Variants in CLVS1 observed in about 807,000 individuals in gnomAD.
CLVS1 encodes clavesin 1.
Under a neutral mutation model 33.1 loss-of-function variants are expected in CLVS1, and 10 were observed. The observed-to-expected ratio is 0.30, with a 90% confidence interval of 0.19 to 0.51. CLVS1 has a LOEUF of 0.51. CLVS1 is among the 20% of genes least tolerant of loss of function. CLVS1 has a pLI of 0.97. For synonymous variants in CLVS1, 163 were observed against 166.1 expected (o/e 0.98, Z 0.14); for missense variants, 343 against 433.4 (o/e 0.79, Z 1.85).
intron 3 of CLVS1, among the ~76,000 whole-genome samples, chr8:61,385,704 T>C (rs1359382545): frequency 6.6e-6 from 1 of 152,244 alleles, no homozygotes; most frequent in African/African-American, 2.4e-5. Flanking sequence ...CTGTACTGAC[T>C]TTATTTTCAG....
At chr8:61,112,732 T>A (rs979773090) in intron 1 of CLVS1, among the ~76,000 whole-genome samples, 3 of 152,312 alleles carry the variant, frequency 2.0e-5, no homozygotes, top group East Asian at 3.9e-4. Context: ...AAAGGACCTG[T>A]AAGCTTCAGG....
intron 2 of CLVS1, among the ~76,000 whole-genome samples, chr8:61,178,099 A>G (rs902085505): frequency 6.6e-6 from 1 of 152,224 alleles, no homozygotes; most frequent in Non-Finnish European, 1.5e-5. Context: ...AAGAACCTTG[A>G]TAAAAGGTTA....
At chr8:61,306,762 T>C (rs1268398434) in intron 2 of CLVS1, among the ~76,000 whole-genome samples, 3 of 152,336 alleles carry the variant, frequency 2.0e-5, no homozygotes, top group East Asian at 1.9e-4. Flanking sequence ...TTACATCCCC[T>C]CCAACAATGT....
chr8:61,490,514 A>G (rs1381206254), intron 5 of CLVS1, among the ~76,000 whole-genome samples: 1 of 150,860 alleles, frequency 6.6e-6, no homozygotes, highest in Non-Finnish European at 1.5e-5. Context: ...TAAAAATACA[A>G]AAAATTAGCT....
At chr8:61,498,314 T>C (rs1804339784) in intron 5 of CLVS1, among the ~76,000 whole-genome samples, 2 of 152,286 alleles carry the variant, frequency 1.3e-5, no homozygotes, top group South Asian at 4.1e-4. Flanking sequence ...AAGATCTCCT[T>C]ATCAGGTAGA....
the CLVS1 span, among the ~76,000 whole-genome samples, chr8:60,971,574 G>T: frequency 6.6e-6 from 1 of 152,152 alleles, no homozygotes; most frequent in Non-Finnish European, 1.5e-5. Flanking sequence ...TTCCAGAGGT[G>T]CAGAGTAAAC....
At chr8:61,244,607 A>G (rs1351383955) in intron 2 of CLVS1, among the ~76,000 whole-genome samples, 5 of 152,200 alleles carry the variant, frequency 3.3e-5, no homozygotes, top group African/African-American at 9.6e-5. Flanking sequence ...ATACAACACC[A>G]AAAAGGAACC....
chr8:61,009,192 A>G, the CLVS1 span, among the ~76,000 whole-genome samples: 1 of 148,782 alleles, frequency 6.7e-6, no homozygotes, highest in East Asian at 2.0e-4. Flanking sequence ...TTTTTCTGAG[A>G]TAGAGTCTCA....
upstream of CLVS1, among the ~76,000 whole-genome samples, chr8:61,286,629 A>G (rs1053866760): frequency 2.0e-5 from 3 of 152,270 alleles, no homozygotes; most frequent in Non-Finnish European, 4.4e-5. Context: ...CTTACATTCC[A>G]TCAGAGAGAA....
At chr8:61,288,970 T>C (rs1167541238) in intron 1 of CLVS1, among the ~76,000 whole-genome samples, 1 of 152,214 alleles carries the variant, frequency 6.6e-6, no homozygotes, top group Non-Finnish European at 1.5e-5. Flanking sequence ...GAAAGGGGGC[T>C]CTCATTCGAA....
chr8:61,459,308 G>A (rs1420171924), intron 5 of CLVS1, among the ~76,000 whole-genome samples: 3 of 152,164 alleles, frequency 2.0e-5, no homozygotes, highest in Non-Finnish European at 4.4e-5. Flanking sequence ...ATTGATAAAT[G>A]AGTATTTTCT....
chr8:61,376,397 A>C (rs1222270620), intron 2 of CLVS1, among the ~76,000 whole-genome samples: 1 of 152,232 alleles, frequency 6.6e-6, no homozygotes, highest in Non-Finnish European at 1.5e-5. Flanking sequence ...GTGCAGAGCC[A>C]AGGGAGGTGT....
At chr8:61,084,734 A>C (rs1018893549) in intron 1 of CLVS1, among the ~76,000 whole-genome samples, 1 of 152,220 alleles carries the variant, frequency 6.6e-6, no homozygotes, top group African/African-American at 2.4e-5. Context: ...AACCTGTGAA[A>C]GTTTCTTGAA....
intron 2 of CLVS1, among the ~76,000 whole-genome samples, chr8:61,330,520 C>A (rs1585811250): frequency 6.6e-6 from 1 of 152,164 alleles, no homozygotes; most frequent in South Asian, 2.1e-4. Flanking sequence ...AGTGTGTGTG[C>A]ACTAAAGATT....
intron 5 of CLVS1, among the ~76,000 whole-genome samples, chr8:61,474,082 AAAG>A (rs1403139196): frequency 6.6e-6 from 1 of 152,190 alleles, no homozygotes; most frequent in Non-Finnish European, 1.5e-5. Flanking sequence ...TGTAGAAAGA[AAAG>A]AAGAATGAGT....
chr8:61,389,311 G>T (rs942470873), intron 3 of CLVS1, among the ~76,000 whole-genome samples: 4 of 152,102 alleles, frequency 2.6e-5, no homozygotes, highest in Admixed American at 1.3e-4. Context: ...AGGCCGAGGC[G>T]GGTGGGTCAC....
chr8:61,128,565 G>A (rs1806022562), intron 1 of CLVS1, among the ~76,000 whole-genome samples: 1 of 152,188 alleles, frequency 6.6e-6, no homozygotes, highest in African/African-American at 2.4e-5. Flanking sequence ...TGAAATCCAG[G>A]GTCCAGGGGA....
At chr8:61,399,454 G>A (rs1814664926) in intron 3 of CLVS1, among the ~76,000 whole-genome samples, 1 of 152,210 alleles carries the variant, frequency 6.6e-6, no homozygotes, top group East Asian at 1.9e-4. Flanking sequence ...TTGTCAGATG[G>A]ATAGATTACA....
At chr8:61,271,384 T>C (rs933902959) in intron 2 of CLVS1, among the ~76,000 whole-genome samples, 29 of 150,274 alleles carry the variant, frequency 1.9e-4, no homozygotes, top group African/African-American at 6.6e-4. Context: ...GAGAGATAGT[T>C]TGTTATAATT....
Sources: allele counts gnomAD v4.1 joint callset (sites outside exome capture counted in the v4.1 genomes callset), GRCh38; gene constraint gnomAD v4.1.1; transcripts MANE v1.5; gene names NCBI Gene and HGNC (gene_info 2026-07-23, HGNC 2026-07-21).